Variants in DISC1 observed in about 807,000 individuals in gnomAD.
The protein encoded by DISC1 is DISC1 scaffold protein, also known as disrupted in schizophrenia 1 protein.
A neutral mutation model predicts 84.5 loss-of-function variants in DISC1; 57 were observed. The observed-to-expected ratio is 0.67, with a 90% CI of 0.55 to 0.84. The LOEUF is 0.84. Among genes scored for constraint, DISC1 ranks in the 40% least tolerant of loss-of-function variants. DISC1 has a pLI of 0.00. For synonymous variants in DISC1, 411 were observed against 415.2 expected (o/e 0.99, Z 0.12); for missense variants, 1,000 against 1,057.8 (o/e 0.95, Z 0.76).
At chr1:231,806,147 T>G (rs554238716) in intron 8 of DISC1, among the ~76,000 whole-genome samples, 3 of 152,358 alleles carry the variant, frequency 2.0e-5, no homozygotes, top group African/African-American at 7.2e-5. Flanking sequence ...AATAAATATA[T>G]GAACGTGACG....
intron 9 of DISC1, among the ~76,000 whole-genome samples, chr1:231,836,831 G>A (rs1378670051): frequency 1.4e-5 from 2 of 146,666 alleles, no homozygotes; most frequent in Non-Finnish European, 3.0e-5. Flanking sequence ...GCCCCTCCCC[G>A]TGTGATCTGA....
intron 10 of DISC1, among the ~76,000 whole-genome samples, chr1:231,989,488 G>A (rs1664900120): frequency 6.6e-6 from 1 of 152,218 alleles, no homozygotes. Context: ...GCATGTACAT[G>A]GATGATTAAA....
intron 9 of DISC1, among the ~76,000 whole-genome samples, chr1:231,880,036 T>C (rs2086181975): frequency 6.6e-6 from 1 of 152,212 alleles, no homozygotes; most frequent in Non-Finnish European, 1.5e-5. Context: ...TGTGGCAGTA[T>C]TGAGAGCTGG....
intron 9 of DISC1, among the ~76,000 whole-genome samples, chr1:231,869,015 C>G (rs910177498): frequency 4.6e-5 from 7 of 151,902 alleles, no homozygotes; most frequent in Non-Finnish European, 8.8e-5. Context: ...CCCTGCTGCC[C>G]TAAATGCGAG....
At position 232,036,963 on chromosome 1, in the gene DISC1, A is replaced by G. The variant is rs1272368093; in HGVS notation, c.*132A>G. ...AGAGCCTTGAGGTCTTTCAGTGGAAAGGTGGTTCATGTTCATTCTCATCAG... is the reference window on the plus strand; with the variant it reads ...AGAGCCTTGAGGTCTTTCAGTGGAAGGGTGGTTCATGTTCATTCTCATCAG... On this transcript the variant is annotated 3_prime_UTR_variant, in exon 13 of 13. Coordinates refer to ENST00000439617, the MANE Select transcript of DISC1 (RefSeq NM_018662.3). 1 of 1,030,364 alleles carries G rather than the reference A, an allele frequency of 9.7e-7. No homozygotes were observed. Among genetic ancestry groups the G allele is most frequent in the Non-Finnish European group, 1.3e-6 (1 of 762,378 alleles). The allele number at this position is 1,030,364 out of a possible 1,614,324, so 63.8% of individuals were successfully genotyped here.
chr1:232,019,693 G>A (rs1374654544), intron 11 of DISC1, among the ~76,000 whole-genome samples: 1 of 152,178 alleles, frequency 6.6e-6, no homozygotes, highest in African/African-American at 2.4e-5. Context: ...ATCCGCTGAG[G>A]TGATGGGAGA....
intron 1 of DISC1, among the ~76,000 whole-genome samples, chr1:231,665,456 A>G (rs1434562743): frequency 2.0e-5 from 3 of 152,246 alleles, no homozygotes; most frequent in Non-Finnish European, 1.5e-5. Context: ...GATGTGTGCT[A>G]TAAATTGAGA....
intron 1 of DISC1, among the ~76,000 whole-genome samples, chr1:231,648,343 T>C (rs932985147): frequency 4.6e-5 from 7 of 152,274 alleles, no homozygotes; most frequent in Non-Finnish European, 1.5e-5. Flanking sequence ...TGGTTCTGTT[T>C]ATGTGATGGA....
At chr1:231,994,063 A>T (rs1353865424) in intron 10 of DISC1, among the ~76,000 whole-genome samples, 42 of 152,216 alleles carry the variant, frequency 2.8e-4, no homozygotes, top group Admixed American at 2.7e-3. Flanking sequence ...TTCTGATTAT[A>T]TCTTAGTTTC....
At chr1:231,990,857 G>A (rs821651) in intron 10 of DISC1, among the ~76,000 whole-genome samples, 53,668 of 152,090 alleles carry the variant, frequency 0.35, 11,071 homozygotes, top group African/African-American at 0.57. Context: ...GACGTCTCCT[G>A]AACTGCAGTT....
intron 12 of DISC1, among the ~76,000 whole-genome samples, chr1:232,027,573 G>A (rs1164054987): frequency 6.6e-6 from 1 of 152,042 alleles, no homozygotes; most frequent in African/African-American, 2.4e-5. Context: ...CAAATGGGTG[G>A]GTACCCAGTG....
intron 9 of DISC1, among the ~76,000 whole-genome samples, chr1:231,870,531 C>T (rs1422171186): frequency 6.6e-6 from 1 of 152,156 alleles, no homozygotes; most frequent in Middle Eastern, 3.2e-3. Flanking sequence ...ATCCTGAGCT[C>T]GTTGTGGGAA....
At chr1:232,017,346 G>T (rs982180927) in intron 11 of DISC1, among the ~76,000 whole-genome samples, 1 of 152,066 alleles carries the variant, frequency 6.6e-6, no homozygotes, top group Admixed American at 6.6e-5. Context: ...AGCGTTTTTG[G>T]CTTGTAAGCA....
intron 10 of DISC1, among the ~76,000 whole-genome samples, chr1:231,964,222 T>C (rs940309816): frequency 1.3e-5 from 2 of 152,140 alleles, no homozygotes; most frequent in African/African-American, 4.8e-5. Flanking sequence ...TAAACATGTA[T>C]TGAATGAATG....
chr1:231,830,621 G>T (rs1350613105), intron 9 of DISC1, among the ~76,000 whole-genome samples: 1 of 152,166 alleles, frequency 6.6e-6, no homozygotes, highest in African/African-American at 2.4e-5. Context: ...GTGAATAGGA[G>T]TATAACTAGA....
At chr1:231,764,924 G>A (rs1276618292) in intron 4 of DISC1, among the ~76,000 whole-genome samples, 4 of 152,116 alleles carry the variant, frequency 2.6e-5, no homozygotes, top group Admixed American at 2.6e-4. Context: ...GGGCTTGGTG[G>A]CTCATGGCTG....
intron 9 of DISC1, among the ~76,000 whole-genome samples, chr1:231,952,083 A>G (rs1388602694): frequency 7.7e-6 from 1 of 130,264 alleles, no homozygotes; most frequent in Admixed American, 7.7e-5. Context: ...ACCTTGTCTC[A>G]ATGTCTCAAA....
intron 1 of DISC1, among the ~76,000 whole-genome samples, chr1:231,648,390 G>A (rs888515401): frequency 6.6e-6 from 1 of 152,134 alleles, no homozygotes; most frequent in Non-Finnish European, 1.5e-5. Flanking sequence ...AACCAGCCTT[G>A]CATCCCAGGG....
intron 1 of DISC1, among the ~76,000 whole-genome samples, chr1:231,631,455 T>C (rs2058701367): frequency 1.3e-5 from 2 of 152,294 alleles, no homozygotes; most frequent in East Asian, 3.9e-4. Flanking sequence ...GAAGGCATTG[T>C]TGTCATAGGA....
Sources: gnomAD v4.1 joint callset for allele counts (sites outside exome capture counted in the v4.1 genomes callset) on GRCh38, gnomAD v4.1.1 for gene constraint, MANE v1.5 for transcripts, NCBI Gene and HGNC (gene_info 2026-07-23, HGNC 2026-07-21) for gene names.